Variants in NEDD8 observed in about 807,000 individuals in gnomAD.
NEDD8 encodes the protein ubiquitin-like protein NEDD8.
In NEDD8, 1 loss-of-function variant was observed where a neutral mutation model predicts 13.8. That is an observed-to-expected ratio of 0.07 (90% CI 0.03 to 0.34). NEDD8 has a LOEUF of 0.34. Ranked by LOEUF, NEDD8 falls within the 10% of genes least tolerant of loss-of-function variation. NEDD8 has a pLI of 0.99. For missense variants in NEDD8, 10 were observed against 95.2 expected (o/e 0.10, Z 3.73); for synonymous variants, 31 against 33.2 (o/e 0.93, Z 0.23).
At chr14:24,217,293 T>C in intron 3 of NEDD8, 70 bp from the exon 4 acceptor site, 2 of 1,314,312 alleles carry the variant, frequency 1.5e-6, no homozygotes, top group Non-Finnish European at 1.1e-6. Context: ...GTTGTTGTTG[T>C]TGTTGTTGTT....
At chr14:24,227,322 G>A (rs1190642279) in intron 1 of NEDD8, 1 of 152,196 alleles carries the variant, frequency 6.6e-6, no homozygotes, top group African/African-American at 2.4e-5. Flanking sequence ...AATCAATGAA[G>A]GATCTGGGGT....
intron 1 of NEDD8, among the ~76,000 whole-genome samples, chr14:24,224,175 C>T (rs904456666): frequency 2.0e-5 from 3 of 152,162 alleles, no homozygotes; most frequent in African/African-American, 7.2e-5. Flanking sequence ...GTGATCCGCC[C>T]GCCTCGGCCT....
intron 1 of NEDD8, among the ~76,000 whole-genome samples, chr14:24,229,465 G>A (rs1237567145): frequency 4.6e-5 from 7 of 152,184 alleles, no homozygotes; most frequent in East Asian, 1.9e-4. Context: ...TGATCCGCCC[G>A]CCTTGGCCTC....
chr14:24,219,497 AAAAAG>A (rs2039765493), intron 1 of NEDD8, among the ~76,000 whole-genome samples: 3 of 137,322 alleles, frequency 2.2e-5, no homozygotes, highest in East Asian at 1.9e-4. Context: ...AAAAAAAAAA[AAAAAG>A]AAAGTAAAAG....
intron 1 of NEDD8, among the ~76,000 whole-genome samples, chr14:24,222,877 G>C (rs1300987459): frequency 6.6e-6 from 1 of 152,042 alleles, no homozygotes; most frequent in African/African-American, 2.4e-5. Flanking sequence ...CACGAGGTCA[G>C]GAGTTTGAGA....
At chr14:24,221,685 C>T (rs2039812671) in intron 1 of NEDD8, among the ~76,000 whole-genome samples, 1 of 152,110 alleles carries the variant, frequency 6.6e-6, no homozygotes, top group African/African-American at 2.4e-5. Flanking sequence ...GCAACCTCTG[C>T]CTCCCAGGTT....
At chr14:24,227,790 C>T (rs926481948) in intron 1 of NEDD8, 6 of 152,160 alleles carry the variant, frequency 3.9e-5, no homozygotes, top group African/African-American at 7.2e-5. Flanking sequence ...TACACAGAGA[C>T]AGCAGTTGAA....
intron 1 of NEDD8, among the ~76,000 whole-genome samples, chr14:24,229,685 G>T (rs1046844457): frequency 1.3e-5 from 2 of 152,170 alleles, no homozygotes; most frequent in Non-Finnish European, 2.9e-5. Context: ...AATGTGGAGT[G>T]AAATTTTCAA....
intron 1 of NEDD8, chr14:24,227,614 G>A (rs2138903552): frequency 6.6e-6 from 1 of 152,310 alleles, no homozygotes; most frequent in East Asian, 1.9e-4. Flanking sequence ...TTGTATTCCA[G>A]ACACCTGAAT....
At chr14:24,229,995 G>A (rs1182468929) in intron 1 of NEDD8, among the ~76,000 whole-genome samples, 1 of 151,842 alleles carries the variant, frequency 6.6e-6, no homozygotes, top group African/African-American at 2.4e-5. Context: ...GCTTGAACCC[G>A]GGAGGCGGAG....
At position 24,225,175 on chromosome 14, in the gene NEDD8, A is replaced by C. The variant is rs370760262; in HGVS notation, c.19-6744T>G. On this transcript the variant is annotated intron_variant, in intron 1 of 3. Transcript: ENST00000250495. The stretch of plus-strand genomic sequence containing the variant: ...TGACAGAGCAAGACTCTGTCTCAAA[A>C]AAAAAAAAAAAGAAAAAAAGAAAAA... 1.0e-3 allele frequency among the ~76,000 whole-genome samples: 155 copies of C among 148,124 alleles called. 1 individual carries two copies. The highest frequency in any genetic ancestry group is 3.9e-3 in the African/African-American group (150 of 38,344).
intron 1 of NEDD8, among the ~76,000 whole-genome samples, chr14:24,224,492 G>A (rs1314222733): frequency 7.9e-5 from 12 of 152,198 alleles, no homozygotes; most frequent in African/African-American, 2.7e-4. Flanking sequence ...CACTGTACCC[G>A]GCTAAGTTTC....
chr14:24,218,351 G>A (rs533507516), intron 2 of NEDD8, 33 bp downstream of exon 2: 32 of 1,614,206 alleles, frequency 2.0e-5, no homozygotes, highest in Middle Eastern at 1.6e-4. Context: ...CACATGGCAA[G>A]AAGTACATGA....
At chr14:24,227,116 AAACT>A (rs1263998715) in intron 1 of NEDD8, 1 of 152,250 alleles carries the variant, frequency 6.6e-6, no homozygotes, top group Non-Finnish European at 1.5e-5. Flanking sequence ...AAAACAAGCA[AAACT>A]AACCTATGAA....
intron 1 of NEDD8, among the ~76,000 whole-genome samples, chr14:24,224,535 C>G (rs926012201): frequency 1.3e-5 from 2 of 152,208 alleles, no homozygotes; most frequent in Non-Finnish European, 2.9e-5. Flanking sequence ...CAAGTACAAT[C>G]AAAATTTCAA....
intron 1 of NEDD8, chr14:24,232,032 C>G: frequency 1.6e-6 from 1 of 639,084 alleles, no homozygotes; most frequent in African/African-American, 1.8e-5. Flanking sequence ...AAAAAGCAGG[C>G]ATGGCAAAAT....
chr14:24,230,378 CAA>C, intron 1 of NEDD8, among the ~76,000 whole-genome samples: 1 of 146,268 alleles, frequency 6.8e-6, no homozygotes, highest in East Asian at 2.1e-4. Flanking sequence ...ACTAAAAATA[CAA>C]AAAAATTAGC....
At chr14:24,226,896 G>A (rs1368755027) in intron 1 of NEDD8, 1 of 152,116 alleles carries the variant, frequency 6.6e-6, no homozygotes, top group Non-Finnish European at 1.5e-5. Flanking sequence ...AATGTTCATA[G>A]AAGACTTTTT....
intron 1 of NEDD8, 89 bp downstream of exon 1, chr14:24,232,161 A>G: frequency 6.2e-7 from 1 of 1,601,608 alleles, no homozygotes. Context: ...GGCTAGGGAA[A>G]GGCGTGGTTT....
Sources: allele counts gnomAD v4.1 joint callset (sites outside exome capture counted in the v4.1 genomes callset), GRCh38; gene constraint gnomAD v4.1.1; transcripts MANE v1.5; gene names NCBI Gene and HGNC (gene_info 2026-07-23, HGNC 2026-07-21).